The following BRD10 variants were observed in gnomAD, a reference collection of about 807,000 sequenced individuals.
BRD10 encodes bromodomain containing 10.
At chr9:5,976,618 A>G in the BRD10 span, among the ~76,000 whole-genome samples, 1 of 152,186 alleles carries the variant, frequency 6.6e-6, no homozygotes, top group African/African-American at 2.4e-5. Context: ...TTGGTTATAC[A>G]TATAAGTAAA....
the BRD10 span, chr9:5,919,485 A>G: frequency 3.7e-6 from 2 of 535,748 alleles, no homozygotes; most frequent in South Asian, 5.7e-5. Context: ...AATGGAACAG[A>G]TCTTTCCCTC....
At chr9:5,900,431 T>C in the BRD10 span, among the ~76,000 whole-genome samples, 1 of 152,210 alleles carries the variant, frequency 6.6e-6, no homozygotes, top group Admixed American at 6.5e-5. Flanking sequence ...AAAAGTCAGT[T>C]TGGAGATCAG....
chr9:5,968,763 G>C, the BRD10 span: 1 of 1,613,890 alleles, frequency 6.2e-7, no homozygotes, highest in Non-Finnish European at 8.5e-7. Flanking sequence ...TCTGGGGCCT[G>C]AAAGGGTCTC....
At chr9:5,954,092 T>G in the BRD10 span, 1 of 1,535,670 alleles carries the variant, frequency 6.5e-7, no homozygotes, top group Non-Finnish European at 8.9e-7. Flanking sequence ...GACGGATTTT[T>G]TTCCTTTCAA....
chr9:5,954,134 T>C, the BRD10 span: 1 of 1,132,550 alleles, frequency 8.8e-7, no homozygotes, highest in Non-Finnish European at 1.3e-6. Context: ...TAATGCTGTT[T>C]ATAGCACTTC....
chr9:5,955,902 G>C, the BRD10 span, among the ~76,000 whole-genome samples: 1 of 152,108 alleles, frequency 6.6e-6, no homozygotes, highest in Non-Finnish European at 1.5e-5. Context: ...GCTAGTAATT[G>C]ATTCCTAAAC....
At chr9:5,930,590 T>C in the BRD10 span, among the ~76,000 whole-genome samples, 2 of 152,068 alleles carry the variant, frequency 1.3e-5, no homozygotes, top group African/African-American at 2.4e-5. Flanking sequence ...TGAGATTATA[T>C]ATGTGCATGT....
At chr9:6,003,867 T>C in the BRD10 span, among the ~76,000 whole-genome samples, 2 of 152,152 alleles carry the variant, frequency 1.3e-5, no homozygotes, top group Admixed American at 6.5e-5. Flanking sequence ...AAAGGTAAAA[T>C]AATAACAGAA....
chr9:5,989,651 TC>T, the BRD10 span, among the ~76,000 whole-genome samples: 9 of 151,224 alleles, frequency 6.0e-5, no homozygotes, highest in Admixed American at 5.3e-4. Context: ...CACCTCAGCC[TC>T]CTCAGTAGCT....
the BRD10 span, among the ~76,000 whole-genome samples, chr9:5,952,988 G>A: frequency 6.6e-6 from 1 of 152,016 alleles, no homozygotes; most frequent in Non-Finnish European, 1.5e-5. Context: ...CTATTCTACA[G>A]TACTAAGAGA....
At chr9:5,969,470 T>C in the BRD10 span, 1 of 1,320,652 alleles carries the variant, frequency 7.6e-7, no homozygotes, top group Non-Finnish European at 1.0e-6. Flanking sequence ...CTATTATTAT[T>C]CAGAGGGTAC....
the BRD10 span, among the ~76,000 whole-genome samples, chr9:5,929,841 A>G: frequency 6.6e-6 from 1 of 152,158 alleles, no homozygotes; most frequent in Non-Finnish European, 1.5e-5. Flanking sequence ...ACAAATGATG[A>G]AAATAAGGCT....
At chr9:5,999,191 A>AT in the BRD10 span, among the ~76,000 whole-genome samples, 3 of 152,092 alleles carry the variant, frequency 2.0e-5, no homozygotes, top group Admixed American at 6.5e-5. Context: ...TATTTAACAT[A>AT]TTTTTTTCCC....
the BRD10 span, among the ~76,000 whole-genome samples, chr9:5,912,924 G>T: frequency 6.6e-6 from 1 of 152,154 alleles, no homozygotes; most frequent in Admixed American, 6.5e-5. Flanking sequence ...ACAAATAATA[G>T]TACTTTTATT....
At chr9:5,920,772 T>C in the BRD10 span, 1,069 of 1,613,928 alleles carry the variant, frequency 6.6e-4, 7 homozygotes, top group South Asian at 0.011. Context: ...GTAACAGGAA[T>C]TTGCAAAGCT....
chr9:5,965,466 G>A, the BRD10 span, among the ~76,000 whole-genome samples: 1 of 152,138 alleles, frequency 6.6e-6, no homozygotes, highest in East Asian at 1.9e-4. Flanking sequence ...AATTTATATG[G>A]TAAGAAAACC....
the BRD10 span, among the ~76,000 whole-genome samples, chr9:5,977,732 G>A: frequency 1.3e-5 from 2 of 152,174 alleles, no homozygotes; most frequent in African/African-American, 4.8e-5. Flanking sequence ...CTACTCGGGA[G>A]GCTGAGGCAC....
chr9:5,959,416 T>C, the BRD10 span, among the ~76,000 whole-genome samples: 1 of 152,216 alleles, frequency 6.6e-6, no homozygotes, highest in African/African-American at 2.4e-5. Flanking sequence ...TAATGGGGAA[T>C]AATAGTAATA....
chr9:5,914,946 C>T, the BRD10 span, among the ~76,000 whole-genome samples: 1 of 151,926 alleles, frequency 6.6e-6, no homozygotes, highest in Non-Finnish European at 1.5e-5. Flanking sequence ...ATATGTACCT[C>T]AATAAATTTA....
Sources: allele counts gnomAD v4.1 joint callset (sites outside exome capture counted in the v4.1 genomes callset), GRCh38; gene constraint gnomAD v4.1.1; transcripts MANE v1.5; gene names NCBI Gene and HGNC (gene_info 2026-07-23, HGNC 2026-07-21).